DPF3: variants seen among roughly 807,000 people sequenced by gnomAD.
DPF3 encodes the protein double PHD fingers 3.
In DPF3, 18 loss-of-function variants were observed where a neutral mutation model predicts 56.8. That is an observed-to-expected ratio of 0.32 (90% CI 0.22 to 0.47). The LOEUF is 0.47. DPF3 is among the 20% of genes least tolerant of loss of function. The pLI, the probability that DPF3 is intolerant of heterozygous loss-of-function variation, is 1.00. For synonymous variants in DPF3, 188 were observed against 180.2 expected, an observed-to-expected ratio of 1.04 and a Z score of -0.35; for missense variants, 403 against 488.8, an observed-to-expected ratio of 0.82 and a Z score of 1.65.
At chr14:72,683,479 G>A (rs1352511716) in intron 7 of DPF3, among the ~76,000 whole-genome samples, 1 of 151,428 alleles carries the variant, frequency 6.6e-6, no homozygotes, top group South Asian at 2.1e-4. Flanking sequence ...TAATTGGTGT[G>A]ACAGTCATGT....
intron 8 of DPF3, among the ~76,000 whole-genome samples, chr14:72,672,851 T>C (rs1222662968): frequency 6.6e-6 from 1 of 152,142 alleles, no homozygotes; most frequent in East Asian, 1.9e-4. Flanking sequence ...ACCTTGCTTC[T>C]GGAAGTAGAG....
intron 8 of DPF3, chr14:72,671,005 A>G: frequency 6.9e-7 from 1 of 1,451,524 alleles, no homozygotes; most frequent in Non-Finnish European, 9.1e-7. Flanking sequence ...GTGGGAGGTG[A>G]AGGGAAAAAA....
intron 1 of DPF3, among the ~76,000 whole-genome samples, chr14:72,784,410 C>T (rs1314504903): frequency 6.6e-6 from 1 of 152,172 alleles, no homozygotes; most frequent in Non-Finnish European, 1.5e-5. Context: ...AGGATAACGA[C>T]AAAGGATACC....
At chr14:72,771,686 G>A in intron 2 of DPF3, 47 bp downstream of exon 2, 2 of 1,574,798 alleles carry the variant, frequency 1.3e-6, no homozygotes, top group Non-Finnish European at 1.7e-6. Flanking sequence ...CCTCCCTCCA[G>A]GCTGGGAGCC....
chr14:72,717,966 C>T (rs1302739332), intron 5 of DPF3, among the ~76,000 whole-genome samples: 4 of 152,190 alleles, frequency 2.6e-5, no homozygotes, highest in Non-Finnish European at 4.4e-5. Context: ...TTGGCTGGCT[C>T]GGGAGTAGTC....
intron 1 of DPF3, among the ~76,000 whole-genome samples, chr14:72,782,331 C>T (rs915198329): frequency 6.6e-6 from 1 of 151,864 alleles, no homozygotes; most frequent in South Asian, 2.1e-4. Context: ...TCAAGCAATC[C>T]TCCCACCTCA....
At position 72,612,809 on chromosome 14, in the gene DPF3, G is replaced by A. The variant is rs1432863105; in HGVS notation, c.*6488C>T. On this transcript the variant is annotated 3_prime_UTR_variant, in exon 11 of 11. Coordinates refer to ENST00000556509, the MANE Select transcript of DPF3 (RefSeq NM_001280542.3). ...CGAAGGGAAGAGAAGGAGAGAGGTCGCGGAGCCAGTAGCTTTCCAAGCACA... is the reference window on the plus strand; with the variant it reads ...CGAAGGGAAGAGAAGGAGAGAGGTCACGGAGCCAGTAGCTTTCCAAGCACA... Among the ~76,000 whole-genome samples, 10 of 152,320 alleles carry A rather than the reference G, an allele frequency of 6.6e-5. No individual in the cohort carries two copies. The South Asian group carries it at 8.3e-4, about 13-fold the overall frequency.
chr14:72,768,019 A>G (rs1891363496), intron 2 of DPF3, among the ~76,000 whole-genome samples: 1 of 152,208 alleles, frequency 6.6e-6, no homozygotes, highest in South Asian at 2.1e-4. Context: ...CTAAAATAAA[A>G]GGACTATCAA....
intron 3 of DPF3, among the ~76,000 whole-genome samples, chr14:72,736,431 A>G (rs1005570458): frequency 1.3e-5 from 2 of 152,226 alleles, no homozygotes; most frequent in African/African-American, 4.8e-5. Context: ...AAAAATGGAA[A>G]GAATTTTACT....
chr14:72,860,480 C>A (rs72732427), intron 1 of DPF3, among the ~76,000 whole-genome samples: 1 of 152,216 alleles, frequency 6.6e-6, no homozygotes, highest in East Asian at 1.9e-4. Context: ...CCACCACACC[C>A]GGCCCTTTAT....
intron 7 of DPF3, among the ~76,000 whole-genome samples, chr14:72,686,582 A>C (rs1349079614): frequency 1.3e-5 from 2 of 152,248 alleles, no homozygotes; most frequent in African/African-American, 4.8e-5. Context: ...CTTTGAGGCC[A>C]GAAAATGAGC....
At chr14:72,889,975 C>G (rs1199744059) in intron 1 of DPF3, among the ~76,000 whole-genome samples, 1 of 152,082 alleles carries the variant, frequency 6.6e-6, no homozygotes, top group Admixed American at 6.5e-5. Context: ...CCTGTTGGTT[C>G]ATATGGAATT....
At chr14:72,732,068 G>A in intron 3 of DPF3, 134 bp from the exon 4 acceptor site, 2 of 1,192,444 alleles carry the variant, frequency 1.7e-6, no homozygotes, top group South Asian at 1.6e-5. Context: ...CCTGGAGGGA[G>A]AGGAACACTG....
At chr14:72,872,863 A>G (rs993037584) in intron 1 of DPF3, among the ~76,000 whole-genome samples, 1 of 152,252 alleles carries the variant, frequency 6.6e-6, no homozygotes, top group African/African-American at 2.4e-5. Flanking sequence ...AAAACTGGCT[A>G]GCCATATGGA....
intron 1 of DPF3, among the ~76,000 whole-genome samples, chr14:72,800,301 T>G (rs983481309): frequency 1.3e-5 from 2 of 152,220 alleles, no homozygotes; most frequent in Admixed American, 1.3e-4. Flanking sequence ...TCAAGCCCAT[T>G]TCCTCATTTA....
chr14:72,889,533 C>T (rs1034695998), intron 1 of DPF3, among the ~76,000 whole-genome samples: 1 of 152,130 alleles, frequency 6.6e-6, no homozygotes, highest in Non-Finnish European at 1.5e-5. Context: ...TAGTACCTAC[C>T]CACATCCCCC....
At chr14:72,890,522 A>AATAATAATAATAATAATAATAATG (rs1555517361) in intron 1 of DPF3, among the ~76,000 whole-genome samples, 2 of 151,496 alleles carry the variant, frequency 1.3e-5, no homozygotes, top group African/African-American at 2.4e-5. Context: ...TAATAATAAT[A>AATAATAATAATAATAATAATAATG]GCATTATGTT....
chr14:72,718,174 A>G (rs1045863071), intron 5 of DPF3, among the ~76,000 whole-genome samples: 1 of 147,376 alleles, frequency 6.8e-6, no homozygotes, highest in Non-Finnish European at 1.5e-5. Context: ...CTGTTTCCCA[A>G]TGCTAAGTCC....
At chr14:72,817,944 C>T (rs925186021) in intron 1 of DPF3, among the ~76,000 whole-genome samples, 2 of 151,974 alleles carry the variant, frequency 1.3e-5, no homozygotes, top group Non-Finnish European at 1.5e-5. Context: ...GAAAGAAATG[C>T]TAAAATTAGA....
Sources: allele counts gnomAD v4.1 joint callset (sites outside exome capture counted in the v4.1 genomes callset), GRCh38; gene constraint gnomAD v4.1.1; transcripts MANE v1.5; gene names NCBI Gene and HGNC (gene_info 2026-07-23, HGNC 2026-07-21).